The following SSPN variants were observed in gnomAD, a reference collection of about 807,000 sequenced individuals.
SSPN encodes the protein K-ras oncogene-associated protein.
Under a neutral mutation model 19.1 loss-of-function variants are expected in SSPN, and 15 were observed. The observed-to-expected ratio is 0.78, with a 90% CI of 0.52 to 1.21. SSPN has a LOEUF of 1.21. Ranked by LOEUF, SSPN falls within the 50% of genes most tolerant of loss-of-function variation. The pLI is 0.00. For synonymous variants in SSPN, 147 were observed against 140.3 expected (o/e 1.05, Z -0.34); for missense variants, 291 against 314.0 (o/e 0.93, Z 0.55).
intron 1 of SSPN, among the ~76,000 whole-genome samples, chr12:26,198,772 T>C (rs370330748): frequency 3.3e-5 from 5 of 152,330 alleles, no homozygotes; most frequent in East Asian, 1.9e-4. Flanking sequence ...TGAATCTTTC[T>C]GGAGGTTTAT....
intron 1 of SSPN, among the ~76,000 whole-genome samples, chr12:26,147,962 G>C (rs1944502651): frequency 6.6e-6 from 1 of 152,162 alleles, no homozygotes. Flanking sequence ...TGGAATTCTA[G>C]AATATATCTT....
intron 1 of SSPN, among the ~76,000 whole-genome samples, chr12:26,174,549 C>G (rs1591861813): frequency 6.9e-6 from 1 of 145,170 alleles, no homozygotes; most frequent in Non-Finnish European, 1.5e-5. Context: ...TTGACAGAAT[C>G]TCACTCTATT....
chr12:26,139,647 A>G (rs1434658674), intron 1 of SSPN, among the ~76,000 whole-genome samples: 1 of 152,228 alleles, frequency 6.6e-6, no homozygotes, highest in Non-Finnish European at 1.5e-5. Flanking sequence ...AATAGATGTA[A>G]TAACTAATCT....
At chr12:26,220,419 A>G (rs1591892670) in intron 1 of SSPN, among the ~76,000 whole-genome samples, 1 of 152,224 alleles carries the variant, frequency 6.6e-6, no homozygotes, top group African/African-American at 2.4e-5. Flanking sequence ...ATCTAAAAGG[A>G]TAATCCATTT....
chr12:26,213,869 C>G (rs1200307827), intron 1 of SSPN, among the ~76,000 whole-genome samples: 1 of 152,144 alleles, frequency 6.6e-6, no homozygotes, highest in African/African-American at 2.4e-5. Flanking sequence ...TGTTTATGGT[C>G]TGCCTCTCCA....
rs1945235428 is a variant in SSPN, at chr12:26,231,696, C to T, written c.*620C>T. 1 of 169,376 alleles carries T rather than the reference C, an allele frequency of 5.9e-6. No homozygotes were observed. The highest frequency in any genetic ancestry group is 1.2e-5 in the Non-Finnish European group (1 of 83,748). 10.5% of individuals were successfully genotyped at this position (169,376 alleles called of 1,614,324 possible). On this transcript the variant is annotated 3_prime_UTR_variant, in exon 3 of 3. Coordinates refer to ENST00000242729, the MANE Select transcript of SSPN (RefSeq NM_005086.5). ...GCGGCGGCCTCTTCTCTTCAGCTCC[C>T]TTAGCTTGGCTCCGTAAGTGGATCA...
chr12:26,208,198 T>C (rs1203808211), intron 1 of SSPN, among the ~76,000 whole-genome samples: 5 of 152,212 alleles, frequency 3.3e-5, no homozygotes, highest in Non-Finnish European at 5.9e-5. Flanking sequence ...TCATAAGATA[T>C]AGACATCGTC....
At chr12:26,226,556 G>T (rs1408355578) in intron 2 of SSPN, among the ~76,000 whole-genome samples, 1 of 152,010 alleles carries the variant, frequency 6.6e-6, no homozygotes, top group African/African-American at 2.4e-5. Flanking sequence ...ATTGGGGGTA[G>T]GGTCCCTTCG....
chr12:26,145,060 C>T (rs1249213789), intron 1 of SSPN, among the ~76,000 whole-genome samples: 1 of 152,168 alleles, frequency 6.6e-6, no homozygotes, highest in Non-Finnish European at 1.5e-5. Context: ...TTAGCTGAAG[C>T]AGTGAGAGAT....
Position 26,233,201 on chromosome 12 carries a change from G to A in SSPN, c.*2125G>A, listed in dbSNP as rs1452285775. 6.6e-6 allele frequency: 1 copy of A among 151,986 alleles called. No individual in the cohort carries two copies. Among genetic ancestry groups the A allele is most frequent in the Non-Finnish European group, 1.5e-5 (1 of 68,004 alleles). 9.4% of individuals were successfully genotyped at this position (151,986 alleles called of 1,614,324 possible). ...TCTGTATATCCTTAAGGTGCTCTAT[G>A]CTTTACCAGTAATTCACAGGGTATT... is the stretch of plus-strand genomic sequence containing the variant. On this transcript the variant is annotated 3_prime_UTR_variant, in exon 3 of 3. Coordinates refer to ENST00000242729, the MANE Select transcript of SSPN (RefSeq NM_005086.5). The surrounding 1 kb of genome is among the most constrained non-coding windows in gnomAD (Gnocchi z 4.3).
At chr12:26,229,183 T>C (rs962938370) in intron 2 of SSPN, among the ~76,000 whole-genome samples, 21 of 152,194 alleles carry the variant, frequency 1.4e-4, no homozygotes, top group African/African-American at 4.8e-4. Context: ...GTGTTTAAGA[T>C]CTCTTTGATG....
At chr12:26,200,471 T>C (rs866217486) in intron 1 of SSPN, among the ~76,000 whole-genome samples, 1 of 152,188 alleles carries the variant, frequency 6.6e-6, no homozygotes, top group Non-Finnish European at 1.5e-5. Context: ...GAATATACCA[T>C]GAAACTCACA....
At position 26,231,886 on chromosome 12, in the gene SSPN, C is replaced by A; in HGVS notation, c.*810C>A. Reference sequence around the variant, plus strand: ...TAGCTAATTGTTAATTATAATTATGCTCAGAAGTCTATTTAATGAGCTCTG... The same window carrying A: ...TAGCTAATTGTTAATTATAATTATGATCAGAAGTCTATTTAATGAGCTCTG... On this transcript the variant is annotated 3_prime_UTR_variant, in exon 3 of 3. Coordinates refer to ENST00000242729, the MANE Select transcript of SSPN (RefSeq NM_005086.5). The A allele has an allele frequency of 1.1e-6, 1 of 925,816 alleles. No homozygotes were observed. Among genetic ancestry groups the A allele is most frequent in the Non-Finnish European group, 1.3e-6 (1 of 775,552 alleles). The allele number at this position is 925,816 out of a possible 1,614,324, so 57.4% of individuals were successfully genotyped here.
At chr12:26,122,641 CGCCGCCGCT>C (rs1248596669) in intron 1 of SSPN, 1 of 1,303,520 alleles carries the variant, frequency 7.7e-7, no homozygotes, top group Non-Finnish European at 9.8e-7. Flanking sequence ...CCCCCCGGGC[CGCCGCCGCT>C]GCCGCCGCCG....
chr12:26,222,197 C>G (rs1220180314), intron 1 of SSPN, among the ~76,000 whole-genome samples: 6 of 152,190 alleles, frequency 3.9e-5, no homozygotes, highest in Non-Finnish European at 8.8e-5. Context: ...AATATTCCAT[C>G]CTGCTATTAA....
intron 1 of SSPN, among the ~76,000 whole-genome samples, chr12:26,199,811 A>G (rs750227381): frequency 1.3e-5 from 2 of 152,228 alleles, no homozygotes; most frequent in African/African-American, 2.4e-5. Context: ...CTGCTGTGCT[A>G]CGCATTGGCC....
chr12:26,134,971 TA>T (rs1944417023), intron 1 of SSPN: 1 of 152,346 alleles, frequency 6.6e-6, no homozygotes, highest in African/African-American at 2.4e-5. Flanking sequence ...TTTGTCATTG[TA>T]CCAGGATTGA....
intron 1 of SSPN, among the ~76,000 whole-genome samples, chr12:26,196,506 A>G (rs1468529431): frequency 6.6e-6 from 1 of 152,206 alleles, no homozygotes; most frequent in Non-Finnish European, 1.5e-5. Context: ...GCCTTAATCC[A>G]CTGGAGTCTA....
intron 1 of SSPN, chr12:26,122,944 C>G (rs936454925): frequency 1.4e-5 from 21 of 1,554,582 alleles, no homozygotes; most frequent in Middle Eastern, 1.7e-4. Context: ...GAGGGAGCGC[C>G]GGTGCCTTTG....
Sources: gnomAD v4.1 joint callset for allele counts (sites outside exome capture counted in the v4.1 genomes callset) on GRCh38, gnomAD v4.1.1 for gene constraint, Gnocchi (gnomAD v3.1) non-coding constraint, MANE v1.5 for transcripts, NCBI Gene and HGNC (gene_info 2026-07-23, HGNC 2026-07-21) for gene names.